Variants in VCPIP1 observed in about 807,000 individuals in gnomAD.
VCPIP1 encodes the protein valosin containing protein interacting protein 1.
VCPIP1 carries 8 observed loss-of-function variants against 85.0 expected under a neutral mutation model. That is an observed-to-expected ratio of 0.09 (90% CI 0.06 to 0.17). The LOEUF (loss-of-function observed/expected upper bound fraction) is 0.17. VCPIP1 is among the 10% of genes least tolerant of loss of function. The pLI, the probability that VCPIP1 is intolerant of heterozygous loss-of-function variation, is 1.00. For synonymous variants in VCPIP1, 543 were observed against 544.5 expected, an observed-to-expected ratio of 1.00 and a Z score of 0.04; for missense variants, 1,070 against 1,486.3, an observed-to-expected ratio of 0.72 and a Z score of 4.61.
intron 1 of VCPIP1, among the ~76,000 whole-genome samples, chr8:66,661,800 G>T (rs1343036870): frequency 3.7e-5 from 5 of 136,182 alleles, no homozygotes. Context: ...GTCTTGTTCT[G>T]TCGCCCAGGA....
Position 66,635,039 on chromosome 8 carries a change from C to G in VCPIP1, c.3131G>C (p.Arg1044Thr). ...TCTTACAACTGAAGTTTCCCTAGCT[C>G]TTGGATCAAGGTGTGGGTTACCAGA... is the stretch of plus-strand genomic sequence containing the variant. ...TASGNPHLDP[R>T]ARETSVVRKH... is the part of the protein sequence containing the mutation. The change falls in exon 3 of 3, where the codon AGA becomes ACA. Residue 1044 changes from arginine to threonine, a missense_variant. Coordinates refer to ENST00000310421, the MANE Select transcript of VCPIP1 (RefSeq NM_025054.5). 2 of 1,613,724 alleles carry G rather than the reference C, an allele frequency of 1.2e-6. No individual in the cohort carries two copies. The highest frequency in any genetic ancestry group is 1.7e-6 in the Non-Finnish European group (2 of 1,179,734).
rs568820407 is a variant in VCPIP1 at position 66,659,369 on chromosome 8, T to A, written c.2710+4880A>T. On this transcript the variant is annotated intron_variant, in intron 1 of 2. Transcript: ENST00000310421. ...TATATAAATAATGAAGATGACTGTC[T>A]GCAAAAAATTAAGTTCAATTACTTT... 3.3e-5 allele frequency among the ~76,000 whole-genome samples: 5 copies of A among 152,218 alleles called. No homozygotes were observed. In the South Asian group the frequency reaches 1.0e-3, roughly 32 times the overall value.
intron 2 of VCPIP1, among the ~76,000 whole-genome samples, chr8:66,647,118 G>A (rs1339177314): frequency 6.6e-6 from 1 of 152,046 alleles, no homozygotes; most frequent in Non-Finnish European, 1.5e-5. Context: ...CAAGGCGGAT[G>A]GACCACAAGG....
chr8:66,655,692 G>C (rs1352753839), intron 1 of VCPIP1, among the ~76,000 whole-genome samples: 2 of 149,582 alleles, frequency 1.3e-5, no homozygotes, highest in African/African-American at 2.4e-5. Context: ...CAAAATAATA[G>C]CAAAAAAAAA....
In VCPIP1 at chr8:66,665,640, T is replaced by C. The variant is rs1470362665; in HGVS notation, c.1319A>G (p.Tyr440Cys). 3 of 1,614,176 alleles carry C rather than the reference T, an allele frequency of 1.9e-6. No homozygotes were observed. The South Asian group carries it at 3.3e-5, about 18-fold the overall frequency. Reference protein sequence around the residue: ...SLVADVHQYFYRRTGVIGVQP... With the variant: ...SLVADVHQYFCRRTGVIGVQP... ...AACTCCTATCACTCCAGTCCTTCTGTAGAAATACTGATGGACATCAGCAAC... is the reference window on the plus strand; with the variant it reads ...AACTCCTATCACTCCAGTCCTTCTGCAGAAATACTGATGGACATCAGCAAC... The change falls in exon 1 of 3, where the codon TAC (tyrosine) becomes TGC (cysteine). Residue 440 changes from tyrosine (Y) to cysteine (C), a missense_variant. Around this residue, in one of 8 missense-constraint regions of VCPIP1, gnomAD observed 83 missense variants for 134.6 expected, o/e 0.62. Coordinates refer to ENST00000310421, the MANE Select transcript of VCPIP1 (RefSeq NM_025054.5). The surrounding 1 kb of genome is among the most constrained non-coding windows in gnomAD (Gnocchi z 4.3).
chr8:66,645,774 A>AG, intron 2 of VCPIP1, among the ~76,000 whole-genome samples: 1 of 151,350 alleles, frequency 6.6e-6, no homozygotes, highest in African/African-American at 2.4e-5. Flanking sequence ...AAAAAAAAAA[A>AG]AAAAAAATTA....
chr8:66,664,554 T>G lies in VCPIP1; in HGVS notation c.2405A>C (p.Glu802Ala). The change falls in exon 1 of 3, where the codon GAA becomes GCA. Residue 802 changes from glutamate (E) to alanine (A), a missense_variant. By Grantham distance (107) the Glu-to-Ala change is moderately radical (BLOSUM62 -1). Transcript: ENST00000310421. ...KSSTTFFELQ[E>A]SIAREFNIPP... ...AATGTTGAATTCTCTGGCTATACTT[T>G]CCTGAAGTTCAAAAAAGGTTGTTGA... 1 of 1,614,222 alleles carries G rather than the reference T, an allele frequency of 6.2e-7. No homozygotes were observed. Among genetic ancestry groups the G allele is most frequent in the Non-Finnish European group, 8.5e-7 (1 of 1,180,048 alleles).
chr8:66,660,205 A>G (rs1176512547), intron 1 of VCPIP1, among the ~76,000 whole-genome samples: 2 of 152,178 alleles, frequency 1.3e-5, no homozygotes, highest in African/African-American at 4.8e-5. Context: ...AAATAATTGC[A>G]TTCATTAATC....
At position 66,640,815 on chromosome 8, in the gene VCPIP1, C is replaced by T. The variant is rs1437290997; in HGVS notation, c.2798-5443G>A. Among the ~76,000 whole-genome samples the T allele has an allele frequency of 2.0e-5, 3 of 152,278 alleles. No homozygotes were observed. In the East Asian group the frequency reaches 5.8e-4, roughly 29 times the overall value. Reference sequence around the variant, plus strand: ...TCCAGCTCCCCACCCCACTGAGAGCCACCTCCACCACTCAAAAAAATCCTC... The same window carrying T: ...TCCAGCTCCCCACCCCACTGAGAGCTACCTCCACCACTCAAAAAAATCCTC... On this transcript the variant is annotated intron_variant, in intron 2 of 2. Transcript: ENST00000310421.
At position 66,666,219 on chromosome 8, in the gene VCPIP1, T is replaced by C; in HGVS notation, c.740A>G (p.Gln247Arg). Reference protein sequence around the residue: ...ALRENLKQHFQQHLARYQALF... With the variant: ...ALRENLKQHFRQHLARYQALF... Reference sequence around the variant, plus strand: ...AGCTTGATATCGGGCCAGGTGCTGCTGAAAGTGCTGTTTAAGATTCTCTCT... The same window carrying C: ...AGCTTGATATCGGGCCAGGTGCTGCCGAAAGTGCTGTTTAAGATTCTCTCT... The change falls in exon 1 of 3, where the codon CAG (glutamine) becomes CGG (arginine). Residue 247 changes from glutamine to arginine, a missense_variant. Physicochemically the swap from Gln to Arg is conservative, Grantham distance 43. Transcript: ENST00000310421. This position sits in a 1 kb window ranked among gnomAD's most constrained non-coding sequence, Gnocchi z 6.3. 2 of 1,613,914 alleles carry C rather than the reference T, an allele frequency of 1.2e-6. No individual in the cohort carries two copies. The highest frequency in any genetic ancestry group is 1.7e-6 in the Non-Finnish European group (2 of 1,179,924).
rs774109287 is a variant in VCPIP1, at chr8:66,666,236, A to G, written c.723T>C (p.Asn241=). Residue 241 remains asparagine (N), a synonymous_variant, in exon 1 of 3, where the codon AAT becomes AAC. Coordinates refer to ENST00000310421, the MANE Select transcript of VCPIP1 (RefSeq NM_025054.5). This position sits in a 1 kb window ranked among gnomAD's most constrained non-coding sequence, Gnocchi z 6.3. Reference sequence around the variant, plus strand: ...GGTGCTGCTGAAAGTGCTGTTTAAGATTCTCTCTTAAGGCATGCCAGAAGA... The same window carrying G: ...GGTGCTGCTGAAAGTGCTGTTTAAGGTTCTCTCTTAAGGCATGCCAGAAGA... ...RELFWHALRE[N]LKQHFQQHLA... 1 of 1,613,970 alleles carries G rather than the reference A, an allele frequency of 6.2e-7. No homozygotes were observed. Among genetic ancestry groups the G allele is most frequent in the South Asian group, 1.1e-5 (1 of 91,072 alleles).
At chr8:66,663,184 T>C (rs1347267647) in intron 1 of VCPIP1, among the ~76,000 whole-genome samples, 2 of 152,034 alleles carry the variant, frequency 1.3e-5, no homozygotes, top group Non-Finnish European at 2.9e-5. Context: ...AATTACTATG[T>C]CTGGCAAACT....
At chr8:66,648,526 AATCTATCTATCTATCTATCTATCT>A (rs60409796) in intron 2 of VCPIP1, among the ~76,000 whole-genome samples, 10 of 144,542 alleles carry the variant, frequency 6.9e-5, no homozygotes, top group African/African-American at 1.3e-4. Flanking sequence ...CTATGTATCT[AATCTATCTATCTATCTATCTATCT>A]ATCTATCTAT....
chr8:66,645,386 G>A (rs1197917390), intron 2 of VCPIP1, among the ~76,000 whole-genome samples: 1 of 151,934 alleles, frequency 6.6e-6, no homozygotes, highest in African/African-American at 2.4e-5. Flanking sequence ...CCACTGCACT[G>A]GCGCAATGGG....
At chr8:66,644,645 G>A (rs1207488999) in intron 2 of VCPIP1, among the ~76,000 whole-genome samples, 1 of 152,036 alleles carries the variant, frequency 6.6e-6, no homozygotes, top group Non-Finnish European at 1.5e-5. Context: ...ACTCAACACT[G>A]AACTAAAGGT....
intron 2 of VCPIP1, among the ~76,000 whole-genome samples, chr8:66,648,045 C>T (rs1187894576): frequency 6.6e-6 from 1 of 152,146 alleles, no homozygotes; most frequent in Non-Finnish European, 1.5e-5. Context: ...AATCCGCTCA[C>T]CTTGGCCTCC....
chr8:66,634,743 C>T lies in VCPIP1; in HGVS notation c.3427G>A (p.Val1143Ile). 6.2e-6 allele frequency: 10 copies of T among 1,614,232 alleles called. No individual in the cohort carries two copies. The highest frequency in any genetic ancestry group is 7.6e-6 in the Non-Finnish European group (9 of 1,180,028). Reference protein sequence around the residue: ...PSDLPQRKTEVVSSSAKSGSL... With the variant: ...PSDLPQRKTEIVSSSAKSGSL... ...CCAGACTTTGCAGAAGAACTCACAA[C>T]TTCTGTTTTCCTTTGAGGAAGATCA... is the stretch of plus-strand genomic sequence containing the variant. Residue 1143 changes from valine (V) to isoleucine (I), a missense_variant, in exon 3 of 3, where the codon GTT becomes ATT. Coordinates refer to ENST00000310421, the MANE Select transcript of VCPIP1 (RefSeq NM_025054.5).
At chr8:66,657,778 GA>G (rs919458003) in intron 1 of VCPIP1, among the ~76,000 whole-genome samples, 2 of 151,990 alleles carry the variant, frequency 1.3e-5, no homozygotes, top group Non-Finnish European at 2.9e-5. Flanking sequence ...TATTGTAATT[GA>G]AAAAATATTT....
chr8:66,656,522 T>G (rs552552448), intron 1 of VCPIP1, among the ~76,000 whole-genome samples: 1 of 152,314 alleles, frequency 6.6e-6, no homozygotes, highest in East Asian at 1.9e-4. Flanking sequence ...AAAAGGCAAT[T>G]TGAATTTTTT....
Sources: allele counts gnomAD v4.1 joint callset (sites outside exome capture counted in the v4.1 genomes callset), GRCh38; gene constraint gnomAD v4.1.1; regional missense constraint gnomAD v4.1.1; non-coding constraint Gnocchi (gnomAD v3.1); transcripts MANE v1.5; gene names NCBI Gene and HGNC (gene_info 2026-07-23, HGNC 2026-07-21).